BAZ2B: variants seen among roughly 807,000 people sequenced by gnomAD.
BAZ2B encodes the protein bromodomain adjacent to zinc finger domain protein 2B.
BAZ2B carries 91 observed loss-of-function variants against 246.0 expected under a neutral mutation model. The observed-to-expected ratio is 0.37, with a 90% CI of 0.31 to 0.44. The LOEUF is 0.44. Ranked by LOEUF, BAZ2B falls within the 20% of genes least tolerant of loss-of-function variation. BAZ2B has a pLI of 1.00. For synonymous variants in BAZ2B, 855 were observed against 860.0 expected (o/e 0.99, Z 0.10); for missense variants, 2,332 against 2,533.7 (o/e 0.92, Z 1.71).
chr2:159,695,128 ATCT>A, the BAZ2B span: 3 of 152,132 alleles, frequency 2.0e-5, no homozygotes, highest in Non-Finnish European at 4.4e-5. Context: ...CTATTTTTAT[ATCT>A]TCTTTAGAAA....
intron 34 of BAZ2B, among the ~76,000 whole-genome samples, chr2:159,330,432 G>A (rs759444880): frequency 1.3e-5 from 2 of 152,150 alleles, no homozygotes; most frequent in Non-Finnish European, 2.9e-5. Flanking sequence ...AGGAGAGAGC[G>A]TTCAGTTCTA....
intron 6 of BAZ2B, among the ~76,000 whole-genome samples, chr2:159,441,346 G>A (rs1431432245): frequency 1.3e-5 from 2 of 152,186 alleles, no homozygotes; most frequent in African/African-American, 4.8e-5. Context: ...GCTTTAGGGT[G>A]CATAACATTC....
At chr2:159,363,142 T>C (rs1296996308) in intron 27 of BAZ2B, among the ~76,000 whole-genome samples, 5 of 152,188 alleles carry the variant, frequency 3.3e-5, no homozygotes, top group Non-Finnish European at 7.3e-5. Context: ...ACACATGACC[T>C]GGTTAAACAA....
the BAZ2B span, among the ~76,000 whole-genome samples, chr2:159,644,650 C>T: frequency 1.3e-5 from 2 of 152,260 alleles, no homozygotes; most frequent in South Asian, 4.1e-4. Flanking sequence ...GAAAGCCTTC[C>T]TTCATTCTGT....
intron 1 of BAZ2B, among the ~76,000 whole-genome samples, chr2:159,578,283 T>C (rs926341236): frequency 2.6e-4 from 40 of 152,184 alleles, no homozygotes; most frequent in Admixed American, 2.6e-3. Flanking sequence ...ATACTTTTAA[T>C]GGAGGATCAG....
At chr2:159,600,520 T>C (rs1691886811) in intron 1 of BAZ2B, among the ~76,000 whole-genome samples, 2 of 152,190 alleles carry the variant, frequency 1.3e-5, no homozygotes, top group African/African-American at 2.4e-5. Flanking sequence ...TTTGTGGATA[T>C]GTGAAAAGAG....
At chr2:159,616,025 C>G (rs1201241918) in intron 1 of BAZ2B, 2 of 152,386 alleles carry the variant, frequency 1.3e-5, no homozygotes, top group Non-Finnish European at 2.9e-5. Context: ...AGAACCACCC[C>G]AGCCTTCCGG....
At chr2:159,544,175 G>A (rs1331555612) in intron 2 of BAZ2B, among the ~76,000 whole-genome samples, 3 of 151,430 alleles carry the variant, frequency 2.0e-5, no homozygotes, top group African/African-American at 7.3e-5. Flanking sequence ...TCCTTTGGCT[G>A]GACAGCCTCA....
At chr2:159,338,740 TTCC>T (rs1311338999) in intron 31 of BAZ2B, among the ~76,000 whole-genome samples, 1 of 152,234 alleles carries the variant, frequency 6.6e-6, no homozygotes, top group Non-Finnish European at 1.5e-5. Context: ...GCTCATGCTG[TTCC>T]CACTTCCTGG....
At position 159,349,892 on chromosome 2, in the gene BAZ2B, A is replaced by T; in HGVS notation, c.4679T>A (p.Phe1560Tyr). 1.2e-6 allele frequency: 2 copies of T among 1,614,148 alleles called. No individual in the cohort carries two copies. The highest frequency in any genetic ancestry group is 8.5e-7 in the Non-Finnish European group (1 of 1,180,014). Residue 1560 changes from phenylalanine (F) to tyrosine (Y), a missense_variant, in exon 28 of 37, where the codon TTT (phenylalanine) becomes TAT (tyrosine). By Grantham distance (22) the Phe-to-Tyr change is conservative. Transcript: ENST00000392783. ...KTLTEKNRQWFSLLPRTPCDD... is the reference protein window; with the variant it reads ...KTLTEKNRQWYSLLPRTPCDD... ...ACAGGGTGTTCGTGGCAAAAGACTA[A>T]ACCATTGTCTATTCTTTTCAGTCAG...
chr2:159,505,014 C>G (rs1364872312), intron 2 of BAZ2B, among the ~76,000 whole-genome samples: 1 of 152,096 alleles, frequency 6.6e-6, no homozygotes. Flanking sequence ...TATAATCATG[C>G]TCAACTGATT....
intron 1 of BAZ2B, among the ~76,000 whole-genome samples, chr2:159,609,449 A>T (rs1694232918): frequency 6.6e-6 from 1 of 152,222 alleles, no homozygotes; most frequent in Admixed American, 6.5e-5. Context: ...ATTGTTTTAG[A>T]CTAATTAATC....
chr2:159,355,625 C>G (rs893877177), intron 27 of BAZ2B, among the ~76,000 whole-genome samples: 3 of 152,024 alleles, frequency 2.0e-5, no homozygotes, highest in Admixed American at 2.0e-4. Flanking sequence ...AGTTTCCTTC[C>G]AATACTGAAT....
intron 3 of BAZ2B, among the ~76,000 whole-genome samples, chr2:159,466,335 G>A (rs556199561): frequency 6.6e-6 from 1 of 152,256 alleles, no homozygotes; most frequent in Non-Finnish European, 1.5e-5. Flanking sequence ...TATCATTTAA[G>A]TTTTAAGTCT....
intron 1 of BAZ2B, among the ~76,000 whole-genome samples, chr2:159,612,071 T>C (rs1483815257): frequency 1.3e-5 from 2 of 151,966 alleles, no homozygotes; most frequent in African/African-American, 2.4e-5. Context: ...GTTATAACAA[T>C]AAAAATATAA....
At position 159,438,640 on chromosome 2, in the gene BAZ2B, T is replaced by G; in HGVS notation, c.956A>C (p.Lys319Thr). The G allele has an allele frequency of 6.2e-7, 1 of 1,613,452 alleles. No homozygotes were observed. Reference sequence around the variant, plus strand: ...CTGGTGTATTCTTTTTTCCTGGGCTTTTTCAGTTGCTTTCTGTCCATCTGC... The same window carrying G: ...CTGGTGTATTCTTTTTTCCTGGGCTGTTTCAGTTGCTTTCTGTCCATCTGC... Reference protein sequence around the residue: ...PKADGQKATEKAQEKRIHQPL... With the variant: ...PKADGQKATETAQEKRIHQPL... Residue 319 changes from lysine (K) to threonine (T), a missense_variant, in exon 8 of 37, where the codon AAA (lysine) becomes ACA (threonine). This residue lies in a region of BAZ2B where 161 missense variants were observed against 225.8 expected (regional missense o/e 0.71). Transcript: ENST00000392783.
intron 6 of BAZ2B, chr2:159,445,009 T>C (rs995863557): frequency 1.3e-5 from 2 of 152,210 alleles, no homozygotes; most frequent in Non-Finnish European, 2.9e-5. Context: ...CTAGATCATA[T>C]AGTTAGAGGC....
chr2:159,322,746 T>C (rs1305906769), intron 36 of BAZ2B, among the ~76,000 whole-genome samples: 1 of 152,170 alleles, frequency 6.6e-6, no homozygotes, highest in African/African-American at 2.4e-5. Flanking sequence ...CCTCCCTCTA[T>C]TCTAAAAATT....
chr2:159,583,649 A>C (rs1687363190), intron 1 of BAZ2B, among the ~76,000 whole-genome samples: 1 of 152,230 alleles, frequency 6.6e-6, no homozygotes, highest in African/African-American at 2.4e-5. Context: ...TTTGTGAACA[A>C]AAAGAAAAAA....
Sources: allele counts gnomAD v4.1 joint callset (sites outside exome capture counted in the v4.1 genomes callset), GRCh38; gene constraint gnomAD v4.1.1; regional missense constraint gnomAD v4.1.1; transcripts MANE v1.5; gene names NCBI Gene and HGNC (gene_info 2026-07-23, HGNC 2026-07-21).